SFXN4: variants seen among roughly 807,000 people sequenced by gnomAD.
The protein encoded by SFXN4 is sideroflexin 4, also known as sideroflexin-4.
In SFXN4, 48 loss-of-function variants were observed where a neutral mutation model predicts 54.6. That is an observed-to-expected ratio of 0.88 (90% CI 0.70 to 1.12). The LOEUF (loss-of-function observed/expected upper bound fraction) is 1.12. SFXN4 is among the 50% of genes most tolerant of loss of function. SFXN4 has a pLI of 0.00. For missense variants in SFXN4, 383 were observed against 409.2 expected (o/e 0.94, Z 0.55); for synonymous variants, 130 against 145.5 (o/e 0.89, Z 0.77).
rs770039995 is a variant in SFXN4, at chr10:119,165,633, C to T, written c.15G>A (p.Gln5=). 6.3e-7 allele frequency: 1 copy of T among 1,590,494 alleles called. No homozygotes were observed. The highest frequency in any genetic ancestry group is 1.1e-5 in the South Asian group (1 of 90,212). The change falls in exon 1 of 14, where the codon CAG becomes CAA. Residue 5 remains glutamine, a synonymous_variant. Coordinates refer to ENST00000355697, the MANE Select transcript of SFXN4 (RefSeq NM_213649.2). MSLE[Q]EEETQPGRLL... ...GCCGCCCAGGTTGCGTTTCCTCCTC[C>T]TGTTCCAGGGACATTTTGCGCTGGT...
chr10:119,163,830 G>C (rs528714223), intron 2 of SFXN4, among the ~76,000 whole-genome samples: 4 of 151,676 alleles, frequency 2.6e-5, no homozygotes, highest in Admixed American at 6.6e-5. Context: ...GCCTGAGGTC[G>C]GGAGTTCAAG....
At chr10:119,164,659 C>A (rs1847695935) in intron 1 of SFXN4, among the ~76,000 whole-genome samples, 2 of 152,040 alleles carry the variant, frequency 1.3e-5, no homozygotes, top group African/African-American at 4.8e-5. Context: ...TGGGGTCACA[C>A]TGGGGAAAAA....
At chr10:119,160,136 G>GCTA in intron 5 of SFXN4, among the ~76,000 whole-genome samples, 1 of 152,098 alleles carries the variant, frequency 6.6e-6, no homozygotes, top group East Asian at 1.9e-4. Flanking sequence ...CTATTATGGT[G>GCTA]CTACTGTACT....
chr10:119,155,780 G>A (rs1483594745), intron 10 of SFXN4, among the ~76,000 whole-genome samples: 4 of 152,014 alleles, frequency 2.6e-5, no homozygotes, highest in Non-Finnish European at 5.9e-5. Context: ...GGTGTGAGCC[G>A]CCATGCCCGG....
intron 6 of SFXN4, among the ~76,000 whole-genome samples, chr10:119,158,876 A>G (rs1428963914): frequency 6.6e-6 from 1 of 152,180 alleles, no homozygotes; most frequent in African/African-American, 2.4e-5. Flanking sequence ...CCACCTACTC[A>G]GGAGGCTGAA....
intron 10 of SFXN4, 69 bp from the exon 11 acceptor site, chr10:119,155,246 T>A: frequency 9.3e-7 from 1 of 1,073,476 alleles, no homozygotes; most frequent in Non-Finnish European, 1.4e-6. Flanking sequence ...GGAACATCTC[T>A]TTGGGTGTCT....
intron 13 of SFXN4, among the ~76,000 whole-genome samples, chr10:119,143,958 GC>G (rs1490241314): frequency 6.6e-6 from 1 of 151,934 alleles, no homozygotes; most frequent in African/African-American, 2.4e-5. Context: ...CCAACCCCTC[GC>G]CCATAGCATA....
chr10:119,155,291 T>C (rs766557985), intron 10 of SFXN4, 114 bp from the exon 11 acceptor site: 11 of 719,328 alleles, frequency 1.5e-5, no homozygotes, highest in Non-Finnish European at 2.7e-5. Flanking sequence ...ACAGCTGGCC[T>C]TTCTTGACCC....
intron 3 of SFXN4, among the ~76,000 whole-genome samples, chr10:119,161,728 G>A (rs756414936): frequency 1.4e-4 from 21 of 152,262 alleles, no homozygotes; most frequent in South Asian, 1.2e-3. Context: ...CCCCGAATCC[G>A]GCTTGCCTCT....
At position 119,141,126 on chromosome 10, in the gene SFXN4, G is replaced by A. The variant is rs1307166822; in HGVS notation, c.*116C>T. Reference sequence around the variant, plus strand: ...TCAGTATGGAATCTGAAGTCGCCTTGTCAGCACAGACACCTCTGGGGTCCC... The same window carrying A: ...TCAGTATGGAATCTGAAGTCGCCTTATCAGCACAGACACCTCTGGGGTCCC... On this transcript the variant is annotated 3_prime_UTR_variant, in exon 14 of 14. Transcript: ENST00000355697. 1.2e-5 allele frequency: 8 copies of A among 685,220 alleles called. No individual in the cohort carries two copies. In the East Asian group the frequency reaches 2.2e-4, roughly 19 times the overall value. The allele number at this position is 685,220 out of a possible 1,614,324, so 42.4% of individuals were successfully genotyped here. A position where few individuals can be genotyped will look rare whatever the true frequency, so the allele number is the denominator to read the frequency against.
intron 6 of SFXN4, among the ~76,000 whole-genome samples, chr10:119,159,361 T>A (rs888067064): frequency 1.3e-5 from 2 of 152,110 alleles, no homozygotes; most frequent in Non-Finnish European, 2.9e-5. Flanking sequence ...CAATGCCAGG[T>A]CCCAGGTGAG....
In SFXN4 at chr10:119,156,746, T is replaced by G; in HGVS notation, c.548A>C (p.Gln183Pro). The change falls in exon 10 of 14, where the codon CAG (glutamine) becomes CCG (proline). Residue 183 changes from glutamine to proline, a missense_variant. Gln to Pro is a moderately conservative substitution (Grantham distance 76, BLOSUM62 -1). Coordinates refer to ENST00000355697, the MANE Select transcript of SFXN4 (RefSeq NM_213649.2). ...ASSTFLGVIP[Q>P]FVQMKYGLTG... is the part of the protein sequence containing the mutation. ...CAGGCCATACTTCATCTGGACAAAC[T>G]GAGGGATTACCTAGAAAAGAAGAGA... 6.2e-7 allele frequency: 1 copy of G among 1,608,754 alleles called. No homozygotes were observed. The highest frequency in any genetic ancestry group is 8.5e-7 in the Non-Finnish European group (1 of 1,176,722).
intron 11 of SFXN4, among the ~76,000 whole-genome samples, chr10:119,148,614 C>A (rs1478223750): frequency 6.6e-6 from 1 of 152,156 alleles, no homozygotes; most frequent in Admixed American, 6.6e-5. Flanking sequence ...AGGGCACGGG[C>A]ACAGCATGAG....
chr10:119,158,638 AAAG>A (rs1847375425), intron 6 of SFXN4, among the ~76,000 whole-genome samples: 7 of 142,498 alleles, frequency 4.9e-5, no homozygotes, highest in South Asian at 2.3e-4. Flanking sequence ...AAAAAAAAAA[AAAG>A]AAGTACACAT....
chr10:119,156,450 G>A (rs918179040), intron 10 of SFXN4, among the ~76,000 whole-genome samples: 4 of 152,174 alleles, frequency 2.6e-5, no homozygotes, highest in African/African-American at 2.4e-5. Flanking sequence ...TGTAATTTGT[G>A]TTTCCAGTCT....
intron 13 of SFXN4, among the ~76,000 whole-genome samples, chr10:119,142,771 G>A (rs1303565869): frequency 1.8e-5 from 2 of 111,118 alleles, no homozygotes; most frequent in Non-Finnish European, 1.7e-5. Context: ...TTGCTCTGTC[G>A]CCCAGACTGG....
chr10:119,162,233 GAA>G (rs1422147326), intron 3 of SFXN4, 105 bp downstream of exon 3: 14 of 848,596 alleles, frequency 1.6e-5, no homozygotes, highest in Non-Finnish European at 2.7e-5. Context: ...AAAAAAGAAA[GAA>G]AAGAGACGGA....
rs774591357 is a variant in SFXN4 at position 119,162,321 on chromosome 10, C to A, written c.252+19G>T. On this transcript the variant is annotated intron_variant, in intron 3 of 13. Transcript: ENST00000355697. The stretch of plus-strand genomic sequence containing the variant: ...ACCATCTGAGGGCAACCAGCCAGAC[C>A]TGAGCACGTGAAACATACCCTTTGG... The A allele has an allele frequency of 1.2e-6, 2 of 1,612,384 alleles. No individual in the cohort carries two copies. The highest frequency in any genetic ancestry group is 1.7e-5 in the Admixed American group (1 of 59,964).
chr10:119,159,377 G>C lies in SFXN4; in HGVS notation c.360+351C>G, dbSNP rs140069391. ...AATGCCAGGTCCCAGGTGAGGGGCTGTGTCAGAGGAGGACTTGGTGGCCAG... is the reference window on the plus strand; with the variant it reads ...AATGCCAGGTCCCAGGTGAGGGGCTCTGTCAGAGGAGGACTTGGTGGCCAG... On this transcript the variant is annotated intron_variant, in intron 6 of 13. Coordinates refer to ENST00000355697, the MANE Select transcript of SFXN4 (RefSeq NM_213649.2). Among the ~76,000 whole-genome samples, 27 of 152,342 alleles carry C rather than the reference G, an allele frequency of 1.8e-4. No individual in the cohort carries two copies. The East Asian group carries it at 5.2e-3, about 29-fold the overall frequency.
Sources: gnomAD v4.1 joint callset for allele counts (sites outside exome capture counted in the v4.1 genomes callset) on GRCh38, gnomAD v4.1.1 for gene constraint, MANE v1.5 for transcripts, NCBI Gene and HGNC (gene_info 2026-07-23, HGNC 2026-07-21) for gene names.